The following SYN3 variants were observed in gnomAD, a reference collection of about 807,000 sequenced individuals.
SYN3 encodes the protein synapsin III.
A neutral mutation model predicts 65.8 loss-of-function variants in SYN3; 35 were observed. That is an observed-to-expected ratio of 0.53 (90% CI 0.41 to 0.70). The LOEUF is 0.70. Ranked by LOEUF, SYN3 falls within the 30% of genes least tolerant of loss-of-function variation. SYN3 has a pLI of 0.00. For synonymous variants in SYN3, 270 were observed against 292.9 expected (o/e 0.92, Z 0.80); for missense variants, 680 against 749.0 (o/e 0.91, Z 1.08).
At chr22:32,892,449 T>C (rs991318558) in intron 4 of SYN3, among the ~76,000 whole-genome samples, 7 of 152,130 alleles carry the variant, frequency 4.6e-5, no homozygotes, top group African/African-American at 1.7e-4. Flanking sequence ...TGTAGGATAG[T>C]GTGGGAACAG....
chr22:33,052,099 T>C (rs1356820874), intron 1 of SYN3, among the ~76,000 whole-genome samples: 2 of 152,130 alleles, frequency 1.3e-5, no homozygotes, highest in African/African-American at 4.8e-5. Flanking sequence ...CCCAAGCTCA[T>C]ATCACAAGTC....
chr22:32,617,736 ACTCTT>A (rs992954675), intron 6 of SYN3, among the ~76,000 whole-genome samples: 1 of 150,864 alleles, frequency 6.6e-6, no homozygotes, highest in Non-Finnish European at 1.5e-5. Context: ...TTAAGAAAGA[ACTCTT>A]CTCTGGCTGG....
At chr22:32,541,068 G>A (rs1010505620) in intron 8 of SYN3, among the ~76,000 whole-genome samples, 1 of 152,166 alleles carries the variant, frequency 6.6e-6, no homozygotes. Context: ...AACCCATTAA[G>A]TTAATGAGAT....
rs2045659454 is a variant in SYN3, at chr22:32,767,544, C to T, written c.711+97371G>A. ...TGGATGGTATCCTAGGGTGTTAGAG[C>T]CCCTCTAATATGAATGGCGTCATGA... On this transcript the variant is annotated intron_variant, in intron 6 of 13. Coordinates refer to ENST00000358763, the MANE Select transcript of SYN3 (RefSeq NM_003490.4). 2.0e-5 allele frequency among the ~76,000 whole-genome samples: 3 copies of T among 152,194 alleles called. No individual in the cohort carries two copies. The South Asian group carries it at 6.2e-4, about 32-fold the overall frequency.
chr22:32,863,867 T>G (rs2048615291), intron 6 of SYN3, among the ~76,000 whole-genome samples: 1 of 152,132 alleles, frequency 6.6e-6, no homozygotes. Context: ...CTCTGAATTT[T>G]CCCCACTGTA....
chr22:32,839,238 T>C (rs1001288875), intron 6 of SYN3, among the ~76,000 whole-genome samples: 2 of 152,106 alleles, frequency 1.3e-5, no homozygotes, highest in Non-Finnish European at 2.9e-5. Context: ...ATCCTGTAGA[T>C]ACTGCAAACC....
intron 6 of SYN3, among the ~76,000 whole-genome samples, chr22:32,676,024 G>T (rs1296659275): frequency 6.6e-6 from 1 of 152,148 alleles, no homozygotes; most frequent in Non-Finnish European, 1.5e-5. Flanking sequence ...CCTATCCAGT[G>T]GTCCAGAGCA....
chr22:32,660,404 G>A (rs758508529), intron 6 of SYN3, among the ~76,000 whole-genome samples: 3 of 152,140 alleles, frequency 2.0e-5, no homozygotes, highest in Non-Finnish European at 4.4e-5. Context: ...AAATGGACAC[G>A]GCTCCGTGTG....
At chr22:32,951,202 T>C (rs894581364) in intron 3 of SYN3, among the ~76,000 whole-genome samples, 4 of 152,112 alleles carry the variant, frequency 2.6e-5, no homozygotes, top group Non-Finnish European at 4.4e-5. Context: ...ATCCCCCTAG[T>C]TCCGACTTGC....
At chr22:32,549,944 T>C (rs2058388107) in intron 7 of SYN3, among the ~76,000 whole-genome samples, 1 of 151,114 alleles carries the variant, frequency 6.6e-6, no homozygotes, top group African/African-American at 2.4e-5. Context: ...ATGTTACCTA[T>C]AGAGGGAAGG....
intron 4 of SYN3, among the ~76,000 whole-genome samples, chr22:32,885,529 C>T (rs2049263804): frequency 6.6e-6 from 1 of 151,528 alleles, no homozygotes; most frequent in African/African-American, 2.4e-5. Flanking sequence ...AGGTACATCT[C>T]AGGCCTCCCT....
intron 3 of SYN3, among the ~76,000 whole-genome samples, chr22:32,943,049 A>C (rs774795721): frequency 2.3e-4 from 35 of 152,326 alleles, no homozygotes; most frequent in South Asian, 2.3e-3. Context: ...AGAACTTCCC[A>C]AACCTAGCAA....
intron 6 of SYN3, chr22:32,859,621 T>G (rs1198365586): frequency 3.6e-6 from 2 of 553,610 alleles, no homozygotes; most frequent in East Asian, 6.1e-5. Flanking sequence ...TCTGGTGCCA[T>G]GCCAGAAAGA....
At chr22:32,738,779 A>G (rs895334715) in intron 6 of SYN3, among the ~76,000 whole-genome samples, 4 of 152,248 alleles carry the variant, frequency 2.6e-5, no homozygotes, top group African/African-American at 9.6e-5. Flanking sequence ...AATGATCATT[A>G]AAAGCTCAGT....
intron 3 of SYN3, among the ~76,000 whole-genome samples, chr22:32,949,306 G>A (rs73408524): frequency 0.022 from 3,337 of 152,010 alleles, 124 homozygotes; most frequent in African/African-American, 0.077. Context: ...TACCAGCGGG[G>A]GGCGGGGGTG....
At position 32,858,138 on chromosome 22, in the gene SYN3, G is replaced by A. The variant is rs754433006; in HGVS notation, c.711+6777C>T. ...GGTATCACCTGGGTTGTAACTGCAA[G>A]GTAAGCTCTGGGGTCACTGGGGGAA... On this transcript the variant is annotated intron_variant, in intron 6 of 13. Transcript: ENST00000358763. The A allele has an allele frequency of 2.5e-6, 4 of 1,613,684 alleles. No individual in the cohort carries two copies. The Admixed American group carries it at 5.0e-5, about 20-fold the overall frequency.
intron 4 of SYN3, among the ~76,000 whole-genome samples, chr22:32,914,402 G>A (rs1271969684): frequency 1.3e-5 from 2 of 150,860 alleles, no homozygotes; most frequent in African/African-American, 4.9e-5. Context: ...TTCCCCATCT[G>A]TAATATGGGG....
intron 4 of SYN3, among the ~76,000 whole-genome samples, chr22:32,878,017 A>G (rs887258643): frequency 5.9e-5 from 9 of 152,154 alleles, no homozygotes; most frequent in African/African-American, 1.9e-4. Flanking sequence ...TAATAGCTTT[A>G]TTTTTCAAGA....
chr22:32,608,753 TTTACCTATAAATG>T (rs2059401973), intron 6 of SYN3, among the ~76,000 whole-genome samples: 2 of 152,230 alleles, frequency 1.3e-5, no homozygotes, highest in Admixed American at 1.3e-4. Context: ...TCTCAGCTGC[TTTACCTATAAATG>T]GGAATAAGCA....
Sources: gnomAD v4.1 joint callset for allele counts (sites outside exome capture counted in the v4.1 genomes callset) on GRCh38, gnomAD v4.1.1 for gene constraint, MANE v1.5 for transcripts, NCBI Gene and HGNC (gene_info 2026-07-23, HGNC 2026-07-21) for gene names.